PPP3R1: variants seen among roughly 807,000 people sequenced by gnomAD.
PPP3R1 encodes protein phosphatase 3 regulatory subunit B, alpha.
A neutral mutation model predicts 22.6 loss-of-function variants in PPP3R1; 5 were observed. That is an observed-to-expected ratio of 0.22 (90% CI 0.12 to 0.46). The LOEUF (loss-of-function observed/expected upper bound fraction) is 0.46, where lower values mean the gene tolerates loss of function less well. PPP3R1 is among the 20% of genes least tolerant of loss of function. The pLI is 0.99. For missense variants in PPP3R1, 61 were observed against 203.2 expected (o/e 0.30, Z 4.25); for synonymous variants, 56 against 65.2 (o/e 0.86, Z 0.68).
rs367804247 is a variant in PPP3R1, at chr2:68,220,097, A to C, written c.4-2966T>G. On this transcript the variant is annotated intron_variant, in intron 1 of 5. Coordinates refer to ENST00000234310, the MANE Select transcript of PPP3R1 (RefSeq NM_000945.4). Reference sequence around the variant, plus strand: ...GGCATTTTCTGTGATCATCTATATAAGAAAACAAAAGAGGTAAAGCCCTTA... The same window carrying C: ...GGCATTTTCTGTGATCATCTATATACGAAAACAAAAGAGGTAAAGCCCTTA... Among the ~76,000 whole-genome samples the C allele has an allele frequency of 1.2e-4, 18 of 152,340 alleles. No homozygotes were observed. The South Asian group carries it at 3.7e-3, about 32-fold the overall frequency.
At chr2:68,181,207 C>T (rs994579155) in intron 5 of PPP3R1, among the ~76,000 whole-genome samples, 197 bp from the exon 6 acceptor site, 3 of 152,022 alleles carry the variant, frequency 2.0e-5, no homozygotes, top group East Asian at 1.9e-4. Flanking sequence ...GGCTAACACA[C>T]GGTGAAACCT....
intron 2 of PPP3R1, among the ~76,000 whole-genome samples, chr2:68,197,202 C>A (rs971108445): frequency 6.6e-6 from 1 of 152,158 alleles, no homozygotes; most frequent in African/African-American, 2.4e-5. Flanking sequence ...CTTTTGCAGT[C>A]AATCACCCTT....
intron 1 of PPP3R1, among the ~76,000 whole-genome samples, chr2:68,241,681 T>TA (rs1670140313): frequency 6.6e-6 from 1 of 151,948 alleles, no homozygotes; most frequent in Non-Finnish European, 1.5e-5. Flanking sequence ...CCGTCTCTAC[T>TA]AAAAATACAA....
chr2:68,215,587 T>TAAGAA (rs1443400474), intron 2 of PPP3R1, among the ~76,000 whole-genome samples: 5 of 152,168 alleles, frequency 3.3e-5, no homozygotes, highest in Non-Finnish European at 7.4e-5. Context: ...AAAGTAACAT[T>TAAGAA]AAGAACTCTG....
At chr2:68,229,973 TACACACACACACACACACACACACACAC>T (rs201152385) in intron 1 of PPP3R1, among the ~76,000 whole-genome samples, 1 of 143,142 alleles carries the variant, frequency 7.0e-6, no homozygotes, top group African/African-American at 2.6e-5. Flanking sequence ...TATACACACA[TACACACACACACACACACACACACACAC>T]ACACACACAC....
intron 2 of PPP3R1, among the ~76,000 whole-genome samples, chr2:68,205,758 A>C (rs1675107213): frequency 6.6e-6 from 1 of 152,168 alleles, no homozygotes; most frequent in Admixed American, 6.5e-5. Flanking sequence ...ATAGCAGCCG[A>C]AAGCCAGATT....
rs1044464459 is a variant in PPP3R1 at position 68,179,077 on chromosome 2, C to T, written c.*1886G>A. On this transcript the variant is annotated 3_prime_UTR_variant, in exon 6 of 6. Transcript: ENST00000234310. ...TAATGTTTACACTATTTTTCTGTAA[C>T]GCCAGCCAAGATATGCACAAGCAAG... 7 of 150,056 alleles carry T rather than the reference C, an allele frequency of 4.7e-5. No individual in the cohort carries two copies. The South Asian group carries it at 1.1e-3, about 23-fold the overall frequency. 9.3% of individuals were successfully genotyped at this position (150,056 alleles called of 1,614,324 possible). A position where few individuals can be genotyped will look rare whatever the true frequency, so the allele number is the denominator to read the frequency against.
At position 68,229,845 on chromosome 2, in the gene PPP3R1, G is replaced by T. The variant is rs115780228; in HGVS notation, c.4-12714C>A. 3.2e-4 allele frequency among the ~76,000 whole-genome samples: 48 copies of T among 151,852 alleles called. 2 individuals carry two copies. In the East Asian group the frequency reaches 3.7e-3, roughly 12 times the overall value. On this transcript the variant is annotated intron_variant, in intron 1 of 5. Coordinates refer to ENST00000234310, the MANE Select transcript of PPP3R1 (RefSeq NM_000945.4). ...GTAATGTCTTTAATTGATTCTGCCA[G>T]TATGTTTAATTGGTGTGTGTGTGTG...
intron 1 of PPP3R1, among the ~76,000 whole-genome samples, chr2:68,230,247 C>T (rs1669869992): frequency 6.6e-6 from 1 of 152,172 alleles, no homozygotes; most frequent in South Asian, 2.1e-4. Context: ...CATGCCTCAA[C>T]CTTCCAAAGT....
At chr2:68,228,820 C>T (rs1423151895) in intron 1 of PPP3R1, among the ~76,000 whole-genome samples, 1 of 151,904 alleles carries the variant, frequency 6.6e-6, no homozygotes, top group Admixed American at 6.6e-5. Context: ...TTAGTTGTAT[C>T]CCACAACTTT....
chr2:68,235,166 T>C (rs1191883272), intron 1 of PPP3R1, among the ~76,000 whole-genome samples: 1 of 152,232 alleles, frequency 6.6e-6, no homozygotes, highest in East Asian at 1.9e-4. Context: ...AAGCTTTGGC[T>C]TGCTGGTCAA....
At chr2:68,184,796 A>T (rs892950883) in intron 5 of PPP3R1, among the ~76,000 whole-genome samples, 2 of 152,234 alleles carry the variant, frequency 1.3e-5, no homozygotes, top group Admixed American at 6.5e-5. Context: ...AACTGATTAC[A>T]AATACTGGTG....
At chr2:68,251,798 G>A (rs984578413) in intron 1 of PPP3R1, among the ~76,000 whole-genome samples, 2 of 150,910 alleles carry the variant, frequency 1.3e-5, no homozygotes, top group Admixed American at 1.3e-4. Context: ...GAGTGCGCCG[G>A]GCTGATGGTC....
chr2:68,218,328 C>CGTTGTG (rs1317716119), intron 1 of PPP3R1, among the ~76,000 whole-genome samples: 1 of 152,094 alleles, frequency 6.6e-6, no homozygotes, highest in Non-Finnish European at 1.5e-5. Flanking sequence ...AAAGGCTAAT[C>CGTTGTG]AGTAAATTAC....
In PPP3R1 at chr2:68,180,769, G is replaced by A; in HGVS notation, c.*194C>T. 1 of 583,240 alleles carries A rather than the reference G, an allele frequency of 1.7e-6. No individual in the cohort carries two copies. Among genetic ancestry groups the A allele is most frequent in the Non-Finnish European group, 3.0e-6 (1 of 328,880 alleles). 36.1% of individuals were successfully genotyped at this position (583,240 alleles called of 1,614,324 possible). On this transcript the variant is annotated 3_prime_UTR_variant, in exon 6 of 6. Coordinates refer to ENST00000234310, the MANE Select transcript of PPP3R1 (RefSeq NM_000945.4). ...GTTGCTGTCCTTCAGACTTTAAAGT[G>A]CTACACTGAGTTATTGAGAGAATTA... is the stretch of plus-strand genomic sequence containing the variant.
intron 2 of PPP3R1, among the ~76,000 whole-genome samples, chr2:68,192,071 T>C (rs2103728383): frequency 6.6e-6 from 1 of 152,326 alleles, no homozygotes. Flanking sequence ...ATTTCAAATG[T>C]AAAACTTATT....
chr2:68,217,343 T>C (rs550104437), intron 1 of PPP3R1, among the ~76,000 whole-genome samples: 1 of 152,176 alleles, frequency 6.6e-6, no homozygotes, highest in Admixed American at 6.5e-5. Flanking sequence ...TTCTGACTTA[T>C]GACTCTGTCA....
chr2:68,198,238 C>T (rs1198460706), intron 2 of PPP3R1, among the ~76,000 whole-genome samples: 1 of 112,244 alleles, frequency 8.9e-6, no homozygotes, highest in Non-Finnish European at 1.9e-5. Flanking sequence ...TATATGTATA[C>T]ACATATGTAC....
At chr2:68,214,848 ATAT>A (rs1346124567) in intron 2 of PPP3R1, among the ~76,000 whole-genome samples, 3 of 152,116 alleles carry the variant, frequency 2.0e-5, no homozygotes, top group African/African-American at 7.2e-5. Context: ...ATTATTCACA[ATAT>A]TATTATTCAC....
Sources: allele counts gnomAD v4.1 joint callset (sites outside exome capture counted in the v4.1 genomes callset), GRCh38; gene constraint gnomAD v4.1.1; transcripts MANE v1.5; gene names NCBI Gene and HGNC (gene_info 2026-07-23, HGNC 2026-07-21).